Variants in ENOX2 observed in about 807,000 individuals in gnomAD.
The protein encoded by ENOX2 is APK1 antigen.
A neutral mutation model predicts 45.0 loss-of-function variants in ENOX2; 36 were observed. The ratio of observed to expected loss-of-function variants is 0.80; its 90% CI spans 0.61 to 1.06. ENOX2 has a LOEUF of 1.06. Ranked by LOEUF, ENOX2 falls within the 50% of genes least tolerant of loss-of-function variation. ENOX2 has a pLI of 0.00. For missense variants in ENOX2, 423 were observed against 462.5 expected, an observed-to-expected ratio of 0.91 and a Z score of 0.78; for synonymous variants, 174 against 152.3, an observed-to-expected ratio of 1.14 and a Z score of -1.05.
chrX:130,654,553 T>A (rs2036494408), intron 10 of ENOX2, among the ~76,000 whole-genome samples: 1 of 111,971 alleles, frequency 8.9e-6, no homozygotes, highest in Non-Finnish European at 1.9e-5. Context: ...GAAGACCTTT[T>A]CACTGGCTCA....
At chrX:130,839,101 T>C (rs190549519) in intron 2 of ENOX2, among the ~76,000 whole-genome samples, 169 of 112,604 alleles carry the variant, frequency 1.5e-3, no homozygotes, top group Non-Finnish European at 2.2e-3. Flanking sequence ...TTTAATCTTG[T>C]TGGTTACTAC....
At chrX:130,785,255 G>A (rs2076951620) in intron 2 of ENOX2, among the ~76,000 whole-genome samples, 1 of 107,038 alleles carries the variant, frequency 9.3e-6, no homozygotes, top group African/African-American at 3.4e-5. Flanking sequence ...CACCCGGTAG[G>A]CAGAGGTTGC....
intron 10 of ENOX2, chrX:130,646,359 G>T: frequency 4.2e-6 from 1 of 240,034 alleles, no homozygotes; most frequent in Admixed American, 5.8e-5. Flanking sequence ...CAGCCTGGGT[G>T]AGGAGGCCCC....
intron 2 of ENOX2, among the ~76,000 whole-genome samples, chrX:130,858,370 C>T (rs921914138): frequency 2.7e-5 from 3 of 110,459 alleles, no homozygotes; most frequent in Non-Finnish European, 3.8e-5. Context: ...CGCCCGCCTC[C>T]GCCTCCCAAA....
chrX:130,734,226 G>A (rs991546148), intron 3 of ENOX2, among the ~76,000 whole-genome samples: 2 of 111,868 alleles, frequency 1.8e-5, no homozygotes, highest in Non-Finnish European at 3.8e-5. Flanking sequence ...AAGCTGAGAG[G>A]TGTGTCACAA....
chrX:130,645,527 T>C (rs1321420136), intron 10 of ENOX2, among the ~76,000 whole-genome samples: 1 of 112,954 alleles, frequency 8.9e-6, no homozygotes, highest in African/African-American at 3.2e-5. Flanking sequence ...ATGGAAACAT[T>C]TGTAGTTTAT....
At chrX:130,739,733 G>T (rs1040419673) in intron 3 of ENOX2, among the ~76,000 whole-genome samples, 6 of 112,126 alleles carry the variant, frequency 5.4e-5, no homozygotes, top group Non-Finnish European at 1.1e-4. Context: ...GTCATAGTAG[G>T]TGGCAGCATT....
Position 130,837,108 on chromosome X carries a change from A to G in ENOX2, c.-182-53418T>C, listed in dbSNP as rs17323315. ...AAAATTGAAAGTGTTGGAATTTGAA[A>G]GTGGGTACTAAATTCATTTGGATTA... On this transcript the variant is annotated intron_variant, in intron 2 of 14. Transcript: ENST00000394363. Among the ~76,000 whole-genome samples, 470 of 112,477 alleles carry G rather than the reference A, an allele frequency of 4.2e-3. 8 individuals are homozygous for G. The East Asian group carries it at 0.091, about 22-fold the overall frequency.
intron 3 of ENOX2, among the ~76,000 whole-genome samples, chrX:130,724,480 A>G (rs1169237788): frequency 8.9e-6 from 1 of 112,816 alleles, no homozygotes; most frequent in Non-Finnish European, 1.9e-5. Flanking sequence ...ACAGGCATCA[A>G]TCCTACCCAT....
intron 6 of ENOX2, among the ~76,000 whole-genome samples, chrX:130,674,974 T>A: frequency 1.0e-5 from 1 of 97,453 alleles, no homozygotes; most frequent in East Asian, 3.1e-4. Context: ...CTGCATAGTA[T>A]TCCATGGTGT....
At position 130,648,882 on chromosome X, in the gene ENOX2, T is replaced by C. The variant is rs1485224853; in HGVS notation, c.1129+7699A>G. Among the ~76,000 whole-genome samples, 3 of 106,478 alleles carry C rather than the reference T, an allele frequency of 2.8e-5. No homozygotes were observed. In the East Asian group the frequency reaches 8.8e-4, roughly 31 times the overall value. 92.5% of individuals were successfully genotyped at this position (106,478 alleles called of 115,157 possible). A position where few individuals can be genotyped will look rare whatever the true frequency, so the allele number is the denominator to read the frequency against. On this transcript the variant is annotated intron_variant, in intron 10 of 14. Coordinates refer to ENST00000394363, the MANE Select transcript of ENOX2 (RefSeq NM_006375.4). The stretch of plus-strand genomic sequence containing the variant: ...GGCCAACATGAAACCCCGTCTCTAC[T>C]AAAAATACAAAAATTAGCTGGGTGT...
intron 2 of ENOX2, among the ~76,000 whole-genome samples, chrX:130,889,583 G>A (rs1333450056): frequency 1.8e-5 from 2 of 111,479 alleles, no homozygotes; most frequent in South Asian, 3.8e-4. Flanking sequence ...GACAAGAGAG[G>A]AGGAGGGAAA....
At chrX:130,830,460 G>C (rs2077801642) in intron 2 of ENOX2, among the ~76,000 whole-genome samples, 1 of 111,693 alleles carries the variant, frequency 9.0e-6, no homozygotes, top group Non-Finnish European at 1.9e-5. Context: ...AAAGGTATCA[G>C]AAGAAGTAGC....
intron 2 of ENOX2, among the ~76,000 whole-genome samples, chrX:130,846,432 G>A (rs1303152610): frequency 1.0e-4 from 11 of 110,056 alleles, no homozygotes; most frequent in Non-Finnish European, 1.5e-4. Context: ...CTGCCTCCCG[G>A]ATTCAAGCGA....
intron 10 of ENOX2, chrX:130,646,153 C>T (rs2148055559): frequency 2.0e-6 from 1 of 508,971 alleles, no homozygotes; most frequent in Non-Finnish European, 3.6e-6. Context: ...GGAGCACTTC[C>T]TCAATCAAGC....
intron 10 of ENOX2, among the ~76,000 whole-genome samples, chrX:130,647,140 C>T (rs765577181): frequency 6.2e-5 from 7 of 112,060 alleles, no homozygotes; most frequent in African/African-American, 2.3e-4. Flanking sequence ...ACTTCTCATC[C>T]TGGAGAAATT....
intron 2 of ENOX2, among the ~76,000 whole-genome samples, chrX:130,897,871 C>T (rs1329937301): frequency 8.9e-6 from 1 of 112,072 alleles, no homozygotes; most frequent in Non-Finnish European, 1.9e-5. Context: ...ATTCTGTCAG[C>T]ATTGGTAAAG....
chrX:130,724,004 C>T (rs1057356279), intron 3 of ENOX2, among the ~76,000 whole-genome samples: 2 of 112,152 alleles, frequency 1.8e-5, no homozygotes, highest in African/African-American at 6.5e-5. Context: ...AAATAGCCAA[C>T]ATAACTCTAT....
At chrX:130,791,390 G>A (rs1276996400) in intron 2 of ENOX2, among the ~76,000 whole-genome samples, 2 of 110,928 alleles carry the variant, frequency 1.8e-5, no homozygotes, top group Non-Finnish European at 3.8e-5. Flanking sequence ...AATGAGTATT[G>A]AACTGAACTC....
Sources: gnomAD v4.1 joint callset for allele counts (sites outside exome capture counted in the v4.1 genomes callset) on GRCh38, gnomAD v4.1.1 for gene constraint, MANE v1.5 for transcripts, NCBI Gene and HGNC (gene_info 2026-07-23, HGNC 2026-07-21) for gene names.